The following COL4A2 variants were observed in gnomAD, a reference collection of about 807,000 sequenced individuals.
The protein encoded by COL4A2 is collagen alpha-2(IV) chain.
In COL4A2, 99 loss-of-function variants were observed where a neutral mutation model predicts 200.2. The observed-to-expected ratio is 0.49, with a 90% CI of 0.42 to 0.58. The LOEUF (loss-of-function observed/expected upper bound fraction) is 0.58. Among genes scored for constraint, COL4A2 ranks in the 20% least tolerant of loss-of-function variants. The pLI, the probability that COL4A2 is intolerant of heterozygous loss-of-function variation, is 0.00. For missense variants in COL4A2, 1,950 were observed against 2,314.1 expected, an observed-to-expected ratio of 0.84 and a Z score of 3.23; for synonymous variants, 897 against 900.6, an observed-to-expected ratio of 1.00 and a Z score of 0.07.
Position 110,457,383 on chromosome 13 carries a change from C to T in COL4A2, c.1380C>T (p.Gly460=), listed in dbSNP as rs1186987156. ...TGAAAGGAGCAAAAGGAAGAGCAGG[C>T]TTCCCTGGGCTTCCCGGCTCCCCTG... ...FGLKGAKGRA[G]FPGLPGSPGA... Residue 460 remains glycine, a synonymous_variant, in exon 21 of 48, where the codon GGC becomes GGT. Transcript: ENST00000360467. 1.2e-6 allele frequency: 2 copies of T among 1,613,552 alleles called. No homozygotes were observed. The highest frequency in any genetic ancestry group is 1.7e-6 in the Non-Finnish European group (2 of 1,179,568).
intron 3 of COL4A2, among the ~76,000 whole-genome samples, chr13:110,338,492 G>A (rs902495083): frequency 1.3e-5 from 2 of 152,242 alleles, no homozygotes; most frequent in Middle Eastern, 3.4e-3. Flanking sequence ...TAGGGAGCCC[G>A]TTAAACCCAG....
At chr13:110,459,155 C>T (rs963324968) in intron 22 of COL4A2, 29 of 438,056 alleles carry the variant, frequency 6.6e-5, no homozygotes, top group East Asian at 4.0e-4. Context: ...GAACCGCAGC[C>T]GACAGCTCTT....
chr13:110,501,540 G>A, intron 40 of COL4A2, 128 bp from the exon 41 acceptor site: 1 of 863,170 alleles, frequency 1.2e-6, no homozygotes, highest in South Asian at 1.5e-5. Context: ...TTGGCCTGAG[G>A]GCACCTCCCA....
chr13:110,474,952 G>A (rs1882647959), intron 29 of COL4A2, among the ~76,000 whole-genome samples: 1 of 73,292 alleles, frequency 1.4e-5, no homozygotes, highest in South Asian at 4.7e-4. Flanking sequence ...GTGCACACAC[G>A]ATCACACACA....
intron 4 of COL4A2, among the ~76,000 whole-genome samples, chr13:110,422,439 A>G (rs1011744160): frequency 6.6e-6 from 1 of 152,228 alleles, no homozygotes; most frequent in African/African-American, 2.4e-5. Flanking sequence ...ACACAGTGGC[A>G]ATAGCTTCTA....
intron 45 of COL4A2, among the ~76,000 whole-genome samples, chr13:110,505,695 C>T (rs1263936066): frequency 1.3e-5 from 2 of 152,294 alleles, no homozygotes; most frequent in African/African-American, 2.4e-5. Context: ...GTAGGAGTTA[C>T]AGGAGGCTGC....
At chr13:110,321,251 G>A (rs1594144199) in intron 3 of COL4A2, among the ~76,000 whole-genome samples, 1 of 149,316 alleles carries the variant, frequency 6.7e-6, no homozygotes, top group South Asian at 2.1e-4. Context: ...CATAGAGAGT[G>A]TACATATATA....
chr13:110,485,582 G>C (rs1026770120), intron 33 of COL4A2, 73 bp from the exon 34 acceptor site: 5 of 1,153,216 alleles, frequency 4.3e-6, no homozygotes, highest in East Asian at 4.9e-5. Context: ...ATGCATCCAG[G>C]CTGCAAAATT....
intron 46 of COL4A2, 66 bp from the exon 47 acceptor site, chr13:110,507,869 G>T: frequency 6.5e-7 from 1 of 1,535,098 alleles, no homozygotes; most frequent in Non-Finnish European, 8.9e-7. Flanking sequence ...CCTGGGCCTG[G>T]CTGGGGCTGG....
At chr13:110,382,138 CATAA>C (rs1158160004) in intron 4 of COL4A2, among the ~76,000 whole-genome samples, 2 of 152,128 alleles carry the variant, frequency 1.3e-5, no homozygotes, top group Admixed American at 6.5e-5. Context: ...TTCATCGAAT[CATAA>C]ATAGAGAAAA....
In COL4A2 at chr13:110,355,354, GTGGGGGAGGGCTGCACTAGCTCACCT is replaced by G. The variant is rs1566489632; in HGVS notation, c.100-2117_100-2092del. ...GGGCTGCACTAGCTCACCTGTGTGTGTGGGGGAGGGCTGCACTAGCTCACCTGTGTGGGGGGAGGGCTGCACTAGCT... is the reference window on the plus strand; with the variant it reads ...GGGCTGCACTAGCTCACCTGTGTGTGGTGTGGGGGGAGGGCTGCACTAGCT... On this transcript the variant is annotated intron_variant, in intron 3 of 47. Transcript: ENST00000360467. 6.2e-4 allele frequency among the ~76,000 whole-genome samples: 77 copies of G among 124,190 alleles called. 1 individual carries two copies. The highest frequency in any genetic ancestry group is 6.3e-4 in the Non-Finnish European group (40 of 63,702). 81.5% of individuals were successfully genotyped at this position (124,190 alleles called of 152,430 possible).
chr13:110,474,298 T>G (rs981656630), intron 29 of COL4A2, among the ~76,000 whole-genome samples: 1 of 152,144 alleles, frequency 6.6e-6, no homozygotes, highest in African/African-American at 2.4e-5. Context: ...TCAGCCCACA[T>G]CAGGCATCCT....
intron 47 of COL4A2, among the ~76,000 whole-genome samples, chr13:110,509,413 G>T (rs1489276882): frequency 1.3e-5 from 2 of 151,968 alleles, no homozygotes; most frequent in Non-Finnish European, 2.9e-5. Flanking sequence ...AATAGGTATC[G>T]TTGCTATGAT....
intron 3 of COL4A2, among the ~76,000 whole-genome samples, chr13:110,335,471 A>C (rs184463915): frequency 2.0e-4 from 30 of 152,298 alleles, no homozygotes; most frequent in Admixed American, 3.3e-4. Context: ...CTTGTCTGCC[A>C]CCATGTAAGA....
intron 31 of COL4A2, 143 bp downstream of exon 31, chr13:110,480,533 C>G: frequency 1.2e-6 from 1 of 858,200 alleles, no homozygotes; most frequent in Non-Finnish European, 1.7e-6. Flanking sequence ...TGGGACTCTC[C>G]TGACCTAGGA....
rs567234645 is a variant in COL4A2, at chr13:110,397,698, C to T, written c.181-27036C>T. On this transcript the variant is annotated intron_variant, in intron 4 of 47. Transcript: ENST00000360467. ...AGCGATCTGAGACGGGCGTGTCAGC[C>T]GCATGTGGATGAATAGTCCTTTGTG... Among the ~76,000 whole-genome samples the T allele has an allele frequency of 3.3e-5, 5 of 152,148 alleles. No homozygotes were observed. In the South Asian group the frequency reaches 6.2e-4, roughly 19 times the overall value.
chr13:110,359,120 T>A (rs1877410992), intron 4 of COL4A2, among the ~76,000 whole-genome samples: 1 of 152,164 alleles, frequency 6.6e-6, no homozygotes, highest in South Asian at 2.1e-4. Context: ...TTTGAAAATA[T>A]TTACTCCCTG....
chr13:110,424,875 A>G lies in COL4A2; in HGVS notation c.315+7A>G. 6.2e-7 allele frequency: 1 copy of G among 1,614,140 alleles called. No individual in the cohort carries two copies. On this transcript the variant is annotated splice_region_variant and intron_variant, in intron 5 of 47. Transcript: ENST00000360467. ...GGGACCCAAGGGCGACGTGGTACGC[A>G]CCGCTGGTGTATTCCCCTGGCCTCA...
intron 45 of COL4A2, among the ~76,000 whole-genome samples, chr13:110,504,599 C>T (rs565678574): frequency 6.6e-6 from 1 of 152,310 alleles, no homozygotes; most frequent in East Asian, 1.9e-4. Flanking sequence ...CTGCGAAGCC[C>T]TGTCTTACTT....
Sources: allele counts gnomAD v4.1 joint callset (sites outside exome capture counted in the v4.1 genomes callset), GRCh38; gene constraint gnomAD v4.1.1; transcripts MANE v1.5; gene names NCBI Gene and HGNC (gene_info 2026-07-23, HGNC 2026-07-21).